PCDHA10: variants seen among roughly 807,000 people sequenced by gnomAD.
PCDHA10 encodes protocadherin alpha-10.
A neutral mutation model predicts 61.2 loss-of-function variants in PCDHA10; 45 were observed. That is an observed-to-expected ratio of 0.74 (90% CI 0.58 to 0.94). PCDHA10 has a LOEUF of 0.94. PCDHA10 is among the 40% of genes least tolerant of loss of function. The pLI, the probability that PCDHA10 is intolerant of heterozygous loss-of-function variation, is 0.00. For synonymous variants in PCDHA10, 602 were observed against 548.8 expected, an observed-to-expected ratio of 1.10 and a Z score of -1.35; for missense variants, 1,278 against 1,236.2, an observed-to-expected ratio of 1.03 and a Z score of -0.51.
At chr5:140,905,298 T>A (rs1171619023) in intron 1 of PCDHA10, among the ~76,000 whole-genome samples, 2 of 152,218 alleles carry the variant, frequency 1.3e-5, no homozygotes, top group African/African-American at 2.4e-5. Context: ...TAAGGTGTCC[T>A]TTCCACACTT....
intron 1 of PCDHA10, among the ~76,000 whole-genome samples, chr5:140,964,836 T>G (rs1306843318): frequency 1.3e-5 from 2 of 152,148 alleles, no homozygotes; most frequent in African/African-American, 4.8e-5. Flanking sequence ...AATTGCTTCC[T>G]ACTCTGTACC....
At position 140,881,397 on chromosome 5, in the gene PCDHA10, T is replaced by C. The variant is rs571341331; in HGVS notation, c.2388+22961T>C. On this transcript the variant is annotated intron_variant, in intron 1 of 3. Transcript: ENST00000307360. ...CAGCCGGCGGCGGTAAGTTAAATTC[T>C]ATTAAATCAATAGGATATTAGTTCC... 20 of 979,006 alleles carry C rather than the reference T, an allele frequency of 2.0e-5. No homozygotes were observed. In the African/African-American group the frequency reaches 3.5e-4, roughly 17 times the overall value. 60.6% of individuals were successfully genotyped at this position (979,006 alleles called of 1,614,324 possible). A position where few individuals can be genotyped will look rare whatever the true frequency, so the allele number is the denominator to read the frequency against.
intron 1 of PCDHA10, among the ~76,000 whole-genome samples, chr5:140,961,479 C>A (rs2095615905): frequency 6.6e-6 from 1 of 152,108 alleles, no homozygotes; most frequent in Admixed American, 6.6e-5. Context: ...TTTGTCTTGT[C>A]CACGTGAGTA....
At chr5:140,980,152 C>T (rs1554241475) in intron 2 of PCDHA10, among the ~76,000 whole-genome samples, 1 of 152,040 alleles carries the variant, frequency 6.6e-6, no homozygotes, top group Admixed American at 6.6e-5. Flanking sequence ...CATGCATATA[C>T]CAGAATATTA....
intron 2 of PCDHA10, among the ~76,000 whole-genome samples, chr5:140,979,370 G>A (rs1247964519): frequency 6.6e-6 from 1 of 150,650 alleles, no homozygotes; most frequent in Non-Finnish European, 1.5e-5. Context: ...TGAGACTTGG[G>A]TACATTGTGC....
chr5:140,882,566 G>A, intron 1 of PCDHA10: 1 of 1,614,252 alleles, frequency 6.2e-7, no homozygotes, highest in Non-Finnish European at 8.5e-7. Context: ...TGGGCGGAGC[G>A]CGGAGTGCAG....
chr5:140,937,371 T>C (rs2153632940), intron 1 of PCDHA10, among the ~76,000 whole-genome samples: 1 of 152,314 alleles, frequency 6.6e-6, no homozygotes, highest in Non-Finnish European at 1.5e-5. Context: ...TCTTAATGTT[T>C]ATGTGTGTGT....
rs1278190743 is a variant in PCDHA10, at chr5:140,891,784, G to C, written c.2388+33348G>C. 2.0e-5 allele frequency among the ~76,000 whole-genome samples: 3 copies of C among 152,152 alleles called. No homozygotes were observed. In the East Asian group the frequency reaches 5.8e-4, roughly 29 times the overall value. On this transcript the variant is annotated intron_variant, in intron 1 of 3. Coordinates refer to ENST00000307360, the MANE Select transcript of PCDHA10 (RefSeq NM_018901.4). ...GGTGGGGAATTTCAGGAAATGTTTA[G>C]ATTATGAGGGATCTGCCCTCATGAA...
intron 1 of PCDHA10, among the ~76,000 whole-genome samples, chr5:140,886,563 C>CA (rs1344648100): frequency 6.6e-6 from 1 of 152,024 alleles, no homozygotes. Context: ...CACGGTGGCT[C>CA]ACGCCTGTAA....
Position 140,858,143 on chromosome 5 carries a change from A to G in PCDHA10, c.2095A>G (p.Ile699Val). The change falls in exon 1 of 4, where the codon ATC (isoleucine) becomes GTC (valine). Residue 699 changes from isoleucine to valine, a missense_variant. Coordinates refer to ENST00000307360, the MANE Select transcript of PCDHA10 (RefSeq NM_018901.4). ...VALVDVNVYLIIAICAVSSLL... is the reference protein window; with the variant it reads ...VALVDVNVYLVIAICAVSSLL... ...CCTGGTGGATGTCAACGTGTACCTGATCATCGCCATCTGCGCGGTGTCCAG... is the reference window on the plus strand; with the variant it reads ...CCTGGTGGATGTCAACGTGTACCTGGTCATCGCCATCTGCGCGGTGTCCAG... The G allele has an allele frequency of 1.3e-6, 2 of 1,597,218 alleles. No individual in the cohort carries two copies. Among genetic ancestry groups the G allele is most frequent in the Non-Finnish European group, 1.7e-6 (2 of 1,167,294 alleles).
At chr5:140,874,144 T>A (rs1554167057) in intron 1 of PCDHA10, among the ~76,000 whole-genome samples, 1 of 152,244 alleles carries the variant, frequency 6.6e-6, no homozygotes, top group Non-Finnish European at 1.5e-5. Context: ...CTTATACTTG[T>A]AGAGCCATTC....
In PCDHA10 at chr5:140,876,482, T is replaced by G. The variant is rs372044061; in HGVS notation, c.2388+18046T>G. The G allele has an allele frequency of 1.8e-4, 291 of 1,613,904 alleles. No individual in the cohort carries two copies. The highest frequency in any genetic ancestry group is 2.4e-4 in the Non-Finnish European group (285 of 1,179,894). On this transcript the variant is annotated intron_variant, in intron 1 of 3. Transcript: ENST00000307360. The stretch of plus-strand genomic sequence containing the variant: ...TCCATGGCAGGTCACAGCATGGTCC[T>G]GGTGGAAGTTCTGGACGTGAATGAC...
Position 140,982,457 on chromosome 5 carries a change from G to A in PCDHA10, c.2448-18G>A, listed in dbSNP as rs782510565. 6.2e-7 allele frequency: 1 copy of A among 1,613,966 alleles called. No homozygotes were observed. Among genetic ancestry groups the A allele is most frequent in the African/African-American group, 1.3e-5 (1 of 74,916 alleles). ...AATTTATGATCTAACCGTTATCTGG[G>A]TCTGTGTGTTTATTCAGCTCTGTGC... On this transcript the variant is annotated intron_variant, in intron 2 of 3. Transcript: ENST00000307360.
At chr5:140,965,848 C>T (rs2095941298) in intron 1 of PCDHA10, among the ~76,000 whole-genome samples, 1 of 152,178 alleles carries the variant, frequency 6.6e-6, no homozygotes, top group Non-Finnish European at 1.5e-5. Context: ...TTTGCCAAGG[C>T]ACACACTGAA....
intron 1 of PCDHA10, among the ~76,000 whole-genome samples, chr5:140,964,896 G>A (rs868917865): frequency 6.6e-6 from 1 of 152,170 alleles, no homozygotes. Context: ...TAGGAGGCTG[G>A]GCGCTTCTCT....
chr5:140,933,762 T>C (rs2089409260), intron 1 of PCDHA10, among the ~76,000 whole-genome samples: 1 of 152,128 alleles, frequency 6.6e-6, no homozygotes, highest in African/African-American at 2.4e-5. Flanking sequence ...AGTGAAGCTC[T>C]CTGTACCTAC....
chr5:140,867,681 A>T (rs759356211), intron 1 of PCDHA10: 1 of 152,096 alleles, frequency 6.6e-6, no homozygotes, highest in African/African-American at 2.4e-5. Context: ...ATTTTGTTGC[A>T]TCTTCTTTTT....
Position 141,011,329 on chromosome 5 carries a change from T to G in PCDHA10, c.*1392T>G, listed in dbSNP as rs924246191. 6.5e-6 allele frequency: 1 copy of G among 153,804 alleles called. No homozygotes were observed. Among genetic ancestry groups the G allele is most frequent in the African/African-American group, 2.4e-5 (1 of 41,472 alleles). 9.5% of individuals were successfully genotyped at this position (153,804 alleles called of 1,614,324 possible). ...TTGCTAATCTTACTAACACCTATGA[T>G]GTTACCTGAAATCAATCTCCCATAT... is the stretch of plus-strand genomic sequence containing the variant. On this transcript the variant is annotated 3_prime_UTR_variant, in exon 4 of 4. Coordinates refer to ENST00000307360, the MANE Select transcript of PCDHA10 (RefSeq NM_018901.4).
rs1032326497 is a variant in PCDHA10, at chr5:140,858,875, C to A, written c.2388+439C>A. ...TATCTCTTCAGTGAAAATGTGTTTT[C>A]CTCCATGTGTAGAATATGTGTAGCG... On this transcript the variant is annotated intron_variant, in intron 1 of 3. Transcript: ENST00000307360. 1.2e-5 allele frequency: 3 copies of A among 246,542 alleles called. No homozygotes were observed. The East Asian group carries it at 3.3e-4, about 27-fold the overall frequency. 15.3% of individuals were successfully genotyped at this position (246,542 alleles called of 1,614,324 possible).
Sources: gnomAD v4.1 joint callset for allele counts (sites outside exome capture counted in the v4.1 genomes callset) on GRCh38, gnomAD v4.1.1 for gene constraint, MANE v1.5 for transcripts, NCBI Gene and HGNC (gene_info 2026-07-23, HGNC 2026-07-21) for gene names.